SLC37A3: variants seen among roughly 807,000 people sequenced by gnomAD.
The protein encoded by SLC37A3 is solute carrier family 37 member 3, also known as sugar phosphate exchanger 3.
In SLC37A3, 51 loss-of-function variants were observed where a neutral mutation model predicts 67.1. The ratio of observed to expected loss-of-function variants is 0.76; its 90% confidence interval spans 0.61 to 0.96. The LOEUF is 0.96. Ranked by LOEUF, SLC37A3 falls within the 40% of genes least tolerant of loss-of-function variation. The probability of loss-of-function intolerance (pLI) is 0.00; values close to 1 mark genes in which losing one functional copy is unlikely to be tolerated. For synonymous variants in SLC37A3, 214 were observed against 231.4 expected, an observed-to-expected ratio of 0.92 and a Z score of 0.68; for missense variants, 508 against 603.0, an observed-to-expected ratio of 0.84 and a Z score of 1.65.
At chr7:140,346,079 C>G (rs1440188848) in intron 10 of SLC37A3, 109 bp from the exon 11 acceptor site, 17 of 773,874 alleles carry the variant, frequency 2.2e-5, no homozygotes, top group Non-Finnish European at 3.6e-5. Context: ...TGACACTAGT[C>G]TATCAAAAAA....
At chr7:140,345,792 C>A in intron 11 of SLC37A3, 77 bp downstream of exon 11, 2 of 1,158,210 alleles carry the variant, frequency 1.7e-6, no homozygotes, top group Non-Finnish European at 2.6e-6. Context: ...CAGCACTGGT[C>A]ACTGACTCCA....
intron 4 of SLC37A3, among the ~76,000 whole-genome samples, chr7:140,369,370 G>A (rs948415830): frequency 6.6e-6 from 1 of 152,188 alleles, no homozygotes; most frequent in Non-Finnish European, 1.5e-5. Context: ...GGCATTTTGT[G>A]TTGTTCGGGA....
intron 5 of SLC37A3, among the ~76,000 whole-genome samples, chr7:140,364,052 A>G (rs1797495571): frequency 6.6e-6 from 1 of 152,196 alleles, no homozygotes; most frequent in East Asian, 1.9e-4. Context: ...AGGCCAGGAG[A>G]TAAGACTGGC....
intron 7 of SLC37A3, among the ~76,000 whole-genome samples, chr7:140,353,990 G>T (rs867776172): frequency 5.9e-5 from 9 of 152,036 alleles, no homozygotes; most frequent in African/African-American, 2.2e-4. Flanking sequence ...GATTACAGGC[G>T]TGAGCCACCA....
chr7:140,353,005 A>G (rs1338769495), intron 7 of SLC37A3, among the ~76,000 whole-genome samples: 2 of 152,170 alleles, frequency 1.3e-5, no homozygotes, highest in Non-Finnish European at 2.9e-5. Context: ...GAGGCTAAGA[A>G]GCCTAGAATA....
intron 1 of SLC37A3, among the ~76,000 whole-genome samples, chr7:140,396,902 T>TTTTTTTG (rs1563060977): frequency 6.7e-6 from 1 of 149,616 alleles, no homozygotes. Flanking sequence ...TTGTTTTTTT[T>TTTTTTTG]TTTTTGACAG....
Position 140,382,532 on chromosome 7 carries a change from T to C in SLC37A3, c.-6A>G. The C allele has an allele frequency of 6.2e-7, 1 of 1,613,596 alleles. No individual in the cohort carries two copies. The highest frequency in any genetic ancestry group is 8.5e-7 in the Non-Finnish European group (1 of 1,179,588). On this transcript the variant is annotated 5_prime_UTR_variant, in exon 2 of 15. Coordinates refer to ENST00000326232, the MANE Select transcript of SLC37A3 (RefSeq NM_207113.3). ...AAAACATTTGGCCAGGCCATGTTCT[T>C]CCTGACCTTCCTTCTCACCTTTGAC...
rs553347294 is a variant in SLC37A3, at chr7:140,333,949, A to G, written c.*1463T>C. 1 of 152,626 alleles carries G rather than the reference A, an allele frequency of 6.6e-6. No individual in the cohort carries two copies. The highest frequency in any genetic ancestry group is 1.5e-5 in the Non-Finnish European group (1 of 68,032). 9.5% of individuals were successfully genotyped at this position (152,626 alleles called of 1,614,324 possible). A position where few individuals can be genotyped will look rare whatever the true frequency, so the allele number is the denominator to read the frequency against. ...GAATGCAAATTAGGTATCCCTCAAA[A>G]TTGCACATTCTCCTCCTAGTTTGCT... On this transcript the variant is annotated 3_prime_UTR_variant, in exon 15 of 15. Coordinates refer to ENST00000326232, the MANE Select transcript of SLC37A3 (RefSeq NM_207113.3).
At position 140,345,837 on chromosome 7, in the gene SLC37A3, A is replaced by C. The variant is rs138994473; in HGVS notation, c.1126+32T>G. ...CTTATTCCAACCAGATTAGGGGAGC[A>C]AAGGAATTAGTAATTGCAAAAGAAT... On this transcript the variant is annotated intron_variant, in intron 11 of 14. Transcript: ENST00000326232. 1,434 of 1,516,818 alleles carry C rather than the reference A, an allele frequency of 9.5e-4. 6 individuals are homozygous for C. The African/African-American group carries it at 0.014, about 14-fold the overall frequency. The allele number at this position is 1,516,818 out of a possible 1,614,324, so 94.0% of individuals were successfully genotyped here. A position where few individuals can be genotyped will look rare whatever the true frequency, so the allele number is the denominator to read the frequency against.
In SLC37A3 at chr7:140,368,535, C is replaced by T. The variant is rs962013823; in HGVS notation, c.291+1055G>A. 4.6e-5 allele frequency among the ~76,000 whole-genome samples: 7 copies of T among 151,990 alleles called. No homozygotes were observed. In the South Asian group the frequency reaches 6.3e-4, roughly 14 times the overall value. On this transcript the variant is annotated intron_variant, in intron 4 of 14. Transcript: ENST00000326232. Reference sequence around the variant, plus strand: ...TGAGCCAAGATTGTGCCATTGCACTCCAGCCTGGGCGACAAGTGCAAAACT... The same window carrying T: ...TGAGCCAAGATTGTGCCATTGCACTTCAGCCTGGGCGACAAGTGCAAAACT...
intron 5 of SLC37A3, 120 bp from the exon 6 acceptor site, chr7:140,358,905 G>T: frequency 7.9e-7 from 1 of 1,267,472 alleles, no homozygotes; most frequent in Non-Finnish European, 1.1e-6. Flanking sequence ...CACAGCCAGT[G>T]CCTGTAAGTC....
At chr7:140,364,122 G>A (rs1177064715) in intron 5 of SLC37A3, among the ~76,000 whole-genome samples, 1 of 152,046 alleles carries the variant, frequency 6.6e-6, no homozygotes, top group Non-Finnish European at 1.5e-5. Flanking sequence ...GTGGTGAGCT[G>A]TACCTATAGT....
At chr7:140,348,994 T>C (rs1206795617) in intron 9 of SLC37A3, among the ~76,000 whole-genome samples, 1 of 152,186 alleles carries the variant, frequency 6.6e-6, no homozygotes, top group African/African-American at 2.4e-5. Context: ...GCCTTTGGAA[T>C]AAAAAACACC....
At chr7:140,351,181 G>C in intron 9 of SLC37A3, 92 bp downstream of exon 9, 2 of 1,266,208 alleles carry the variant, frequency 1.6e-6, no homozygotes, top group Non-Finnish European at 2.2e-6. Flanking sequence ...TCCAACAGAG[G>C]CTCAATACTT....
intron 6 of SLC37A3, 139 bp from the exon 7 acceptor site, chr7:140,355,903 C>T (rs1797007128): frequency 2.9e-6 from 2 of 685,898 alleles, no homozygotes. Context: ...TTTAAAAATA[C>T]ACTAAAATGG....
intron 4 of SLC37A3, 103 bp from the exon 5 acceptor site, chr7:140,364,594 A>AT: frequency 9.2e-7 from 1 of 1,083,684 alleles, no homozygotes; most frequent in East Asian, 2.6e-5. Context: ...ATTATTTAAA[A>AT]TTAACTCTTA....
rs1415961025 is a variant in SLC37A3, at chr7:140,347,759, A to AG, written c.1024+866_1024+867insC. 5.8e-3 allele frequency among the ~76,000 whole-genome samples: 301 copies of AG among 51,850 alleles called. 4 individuals are homozygous for AG. The highest frequency in any genetic ancestry group is 1.2e-3 in the Non-Finnish European group (36 of 31,030). The allele number at this position is 51,850 out of a possible 152,430, so 34.0% of individuals were successfully genotyped here. A position where few individuals can be genotyped will look rare whatever the true frequency, so the allele number is the denominator to read the frequency against. ...CCTTGTTGATACTTCTAGCTACAGC[A>AG]AAAAAAAAAAAAACCACTATTAAAA... On this transcript the variant is annotated intron_variant, in intron 10 of 14. Transcript: ENST00000326232.
chr7:140,355,346 G>A (rs1466690443), intron 7 of SLC37A3, among the ~76,000 whole-genome samples: 2 of 152,032 alleles, frequency 1.3e-5, no homozygotes, highest in Admixed American at 1.3e-4. Flanking sequence ...AGAGTAGCTG[G>A]GATTATAGGC....
chr7:140,347,965 T>C (rs1364808485), intron 10 of SLC37A3, among the ~76,000 whole-genome samples: 1 of 152,202 alleles, frequency 6.6e-6, no homozygotes, highest in East Asian at 1.9e-4. Flanking sequence ...CTATACATAC[T>C]ATGTTTTTTT....
Sources: allele counts gnomAD v4.1 joint callset (sites outside exome capture counted in the v4.1 genomes callset), GRCh38; gene constraint gnomAD v4.1.1; transcripts MANE v1.5; gene names NCBI Gene and HGNC (gene_info 2026-07-23, HGNC 2026-07-21).